Variants in PLEKHM1 observed in about 807,000 individuals in gnomAD.
PLEKHM1 encodes pleckstrin homology domain-containing family M member 1.
PLEKHM1 carries 28 observed loss-of-function variants against 94.3 expected under a neutral mutation model. The observed-to-expected ratio is 0.30, with a 90% CI of 0.22 to 0.41. The LOEUF (loss-of-function observed/expected upper bound fraction) is 0.41. PLEKHM1 is among the 10% of genes least tolerant of loss of function. PLEKHM1 has a pLI of 1.00. For missense variants in PLEKHM1, 907 were observed against 1,358.6 expected, an observed-to-expected ratio of 0.67 and a Z score of 5.22; for synonymous variants, 424 against 581.2, an observed-to-expected ratio of 0.73 and a Z score of 3.89.
At chr17:45,481,174 T>A (rs1437512878) in intron 2 of PLEKHM1, among the ~76,000 whole-genome samples, 1 of 152,192 alleles carries the variant, frequency 6.6e-6, no homozygotes, top group East Asian at 1.9e-4. Flanking sequence ...ATAATGAGCA[T>A]CTTTATTGGC....
intron 11 of PLEKHM1, 60 bp from the exon 12 acceptor site, chr17:45,438,029 C>T (rs879632293): frequency 1.2e-5 from 15 of 1,293,152 alleles, no homozygotes; most frequent in Admixed American, 3.4e-5. Flanking sequence ...CCTGTGGCCA[C>T]GCTGGCCAGC....
Position 45,453,262 on chromosome 17 carries a change from G to A in PLEKHM1, c.2497+93C>T, listed in dbSNP as rs552457041. Reference sequence around the variant, plus strand: ...CTAGGGGAAGGATGGGGGCATTTGCGGGGAGGCAGAAGGGTGGGGAGCCTA... The same window carrying A: ...CTAGGGGAAGGATGGGGGCATTTGCAGGGAGGCAGAAGGGTGGGGAGCCTA... On this transcript the variant is annotated intron_variant, in intron 7 of 11. Coordinates refer to ENST00000430334, the MANE Select transcript of PLEKHM1 (RefSeq NM_014798.3). The surrounding 1 kb of genome is among the most constrained non-coding windows in gnomAD (Gnocchi z 4.1). 5.1e-4 allele frequency: 628 copies of A among 1,242,674 alleles called. 3 individuals carry two copies. In the Middle Eastern group the frequency reaches 9.4e-3, roughly 19 times the overall value. 77.0% of individuals were successfully genotyped at this position (1,242,674 alleles called of 1,614,324 possible).
At chr17:45,480,257 T>G (rs1188571348) in intron 2 of PLEKHM1, among the ~76,000 whole-genome samples, 1 of 152,004 alleles carries the variant, frequency 6.6e-6, no homozygotes, top group Non-Finnish European at 1.5e-5. Context: ...CCAAGACGAG[T>G]GGATCACCTG....
chr17:45,460,296 G>A lies in PLEKHM1; in HGVS notation c.1309-1857C>T, dbSNP rs376758810. ...TGTTTTTGAGACAGAACCTCACTCT[G>A]TCACCCAGGCTGGAGTGCAATGGTG... is the stretch of plus-strand genomic sequence containing the variant. On this transcript the variant is annotated intron_variant, in intron 5 of 11. Transcript: ENST00000430334. The A allele has an allele frequency of 2.1e-4, 32 of 152,156 alleles. No homozygotes were observed. In the East Asian group the frequency reaches 6.0e-3, roughly 28 times the overall value. The allele number at this position is 152,156 out of a possible 1,614,324, so 9.4% of individuals were successfully genotyped here.
intron 1 of PLEKHM1, among the ~76,000 whole-genome samples, chr17:45,486,143 G>A (rs1167893702): frequency 6.7e-6 from 1 of 149,328 alleles, no homozygotes; most frequent in East Asian, 1.9e-4. Flanking sequence ...CGTGAACCTG[G>A]GAGGCGGAGC....
chr17:45,461,042 G>A (rs1249193853), intron 5 of PLEKHM1, among the ~76,000 whole-genome samples: 5 of 152,022 alleles, frequency 3.3e-5, no homozygotes, highest in Non-Finnish European at 5.9e-5. Flanking sequence ...CTGCCACCAC[G>A]CCTGGCTAAT....
intron 11 of PLEKHM1, 62 bp from the exon 12 acceptor site, chr17:45,438,031 C>CG: frequency 7.9e-7 from 1 of 1,272,466 alleles, no homozygotes; most frequent in Non-Finnish European, 1.1e-6. Flanking sequence ...TGTGGCCACG[C>CG]TGGCCAGCCC....
At chr17:45,450,314 T>C (rs2145203443) in intron 8 of PLEKHM1, among the ~76,000 whole-genome samples, 1 of 152,380 alleles carries the variant, frequency 6.6e-6, no homozygotes, top group Non-Finnish European at 1.5e-5. Flanking sequence ...ATCTATTTTA[T>C]CTATCTATCT....
intron 1 of PLEKHM1, among the ~76,000 whole-genome samples, chr17:45,486,708 G>A (rs2052142497): frequency 6.6e-6 from 1 of 152,190 alleles, no homozygotes; most frequent in African/African-American, 2.4e-5. Context: ...CAGCAGAAGA[G>A]CCACTTGAAA....
chr17:45,485,986 G>C (rs1289069008), intron 1 of PLEKHM1, among the ~76,000 whole-genome samples: 4 of 151,458 alleles, frequency 2.6e-5, no homozygotes, highest in African/African-American at 7.3e-5. Flanking sequence ...GGAGGCCGAG[G>C]CCGGCGGATC....
At chr17:45,479,682 T>C (rs1325782505) in intron 2 of PLEKHM1, among the ~76,000 whole-genome samples, 2 of 138,100 alleles carry the variant, frequency 1.4e-5, no homozygotes, top group Non-Finnish European at 3.3e-5. Context: ...TGAGACTCCA[T>C]CTCAGAAAAA....
Position 45,468,445 on chromosome 17 carries a change from G to A in PLEKHM1, c.1072C>T (p.Pro358Ser). Residue 358 changes from proline (P) to serine (S), a missense_variant, in exon 5 of 12, where the codon CCC becomes TCC. Transcript: ENST00000430334. ...CCAGAGGCTGCCTGGGCAGGAAGGG[G>A]CTCTGCAGGTGCCTCACAGTGCAGG... ...TYLHCEAPAE[P>S]LPAQAASGTQ... 1 of 1,614,240 alleles carries A rather than the reference G, an allele frequency of 6.2e-7. No individual in the cohort carries two copies. Among genetic ancestry groups the A allele is most frequent in the Non-Finnish European group, 8.5e-7 (1 of 1,180,036 alleles).
chr17:45,440,577 G>A (rs974372596), intron 9 of PLEKHM1, among the ~76,000 whole-genome samples: 8 of 152,268 alleles, frequency 5.3e-5, no homozygotes, highest in African/African-American at 1.9e-4. Flanking sequence ...GCAGACACCT[G>A]GGACCAGGAA....
At chr17:45,441,931 G>A (rs1012372145) in intron 9 of PLEKHM1, among the ~76,000 whole-genome samples, 23 of 152,188 alleles carry the variant, frequency 1.5e-4, no homozygotes, top group African/African-American at 5.5e-4. Context: ...TCCTGGAACC[G>A]ATGAAGTGAT....
chr17:45,471,806 T>C (rs2145300787), intron 4 of PLEKHM1, among the ~76,000 whole-genome samples: 1 of 152,288 alleles, frequency 6.6e-6, no homozygotes, highest in Admixed American at 6.5e-5. Flanking sequence ...TACCATCAAT[T>C]GAGCACTATT....
intron 2 of PLEKHM1, among the ~76,000 whole-genome samples, chr17:45,479,888 T>G (rs1170636014): frequency 1.3e-5 from 2 of 152,168 alleles, no homozygotes; most frequent in Non-Finnish European, 2.9e-5. Flanking sequence ...GAGTAAAAAT[T>G]GAGCATAATT....
intron 5 of PLEKHM1, among the ~76,000 whole-genome samples, chr17:45,463,461 C>T (rs560255668): frequency 5.3e-5 from 8 of 151,914 alleles, no homozygotes; most frequent in East Asian, 3.9e-4. Flanking sequence ...GGTGTGATCT[C>T]GGCTCACTGC....
intron 3 of PLEKHM1, chr17:45,477,070 TC>T (rs2051766534): frequency 6.6e-6 from 1 of 152,306 alleles, no homozygotes; most frequent in African/African-American, 2.4e-5. Flanking sequence ...TTAGTAGTCC[TC>T]AGAGGCACAG....
At chr17:45,454,958 G>A (rs561724826) in intron 6 of PLEKHM1, 26 of 160,928 alleles carry the variant, frequency 1.6e-4, no homozygotes, top group South Asian at 5.2e-4. Flanking sequence ...GTGAAACCCC[G>A]TCTCTACTAA....
Sources: gnomAD v4.1 joint callset for allele counts (sites outside exome capture counted in the v4.1 genomes callset) on GRCh38, gnomAD v4.1.1 for gene constraint, Gnocchi (gnomAD v3.1) non-coding constraint, MANE v1.5 for transcripts, NCBI Gene and HGNC (gene_info 2026-07-23, HGNC 2026-07-21) for gene names.